The following TSPAN7 variants were observed in gnomAD, a reference collection of about 807,000 sequenced individuals.
The protein encoded by TSPAN7 is tetraspanin-7.
A neutral mutation model predicts 17.6 loss-of-function variants in TSPAN7; 1 was observed. That is an observed-to-expected ratio of 0.06 (90% CI 0.02 to 0.27). TSPAN7 has a LOEUF of 0.27. TSPAN7 is among the 10% of genes least tolerant of loss of function. The pLI is 1.00. For missense variants in TSPAN7, 112 were observed against 201.7 expected (o/e 0.56, Z 2.69); for synonymous variants, 78 against 79.0 (o/e 0.99, Z 0.07).
chrX:38,569,237 T>G (rs1376665987), intron 1 of TSPAN7, among the ~76,000 whole-genome samples: 2 of 111,335 alleles, frequency 1.8e-5, no homozygotes, highest in Admixed American at 1.9e-4. Context: ...GGTCAATATC[T>G]TTAGGTCTCT....
intron 1 of TSPAN7, among the ~76,000 whole-genome samples, chrX:38,578,569 G>A (rs780863911): frequency 1.8e-5 from 2 of 111,118 alleles, no homozygotes; most frequent in Non-Finnish European, 3.8e-5. Flanking sequence ...TTATGTAAAT[G>A]ACTTAGAACA....
chrX:38,638,859 T>C (rs1180116494), intron 1 of TSPAN7, among the ~76,000 whole-genome samples: 1 of 92,852 alleles, frequency 1.1e-5, no homozygotes, highest in Non-Finnish European at 2.2e-5. Flanking sequence ...TGTAAGCATT[T>C]TGGATATTCA....
At chrX:38,564,949 A>G (rs1176996861) in intron 1 of TSPAN7, among the ~76,000 whole-genome samples, 2 of 110,755 alleles carry the variant, frequency 1.8e-5, no homozygotes. Flanking sequence ...TTTGAAGTAC[A>G]AAAGTTTATT....
chrX:38,598,813 T>C (rs2069331599), intron 1 of TSPAN7, among the ~76,000 whole-genome samples: 1 of 111,272 alleles, frequency 9.0e-6, no homozygotes, highest in Admixed American at 9.6e-5. Flanking sequence ...TTGGAAAATA[T>C]GAAAAAAGGA....
chrX:38,660,452 A>C (rs969197592), intron 1 of TSPAN7, among the ~76,000 whole-genome samples: 1 of 111,849 alleles, frequency 8.9e-6, no homozygotes, highest in Non-Finnish European at 1.9e-5. Flanking sequence ...ACACACTCAC[A>C]TAAGAATCAG....
chrX:38,576,500 A>G (rs2069195014), intron 1 of TSPAN7, among the ~76,000 whole-genome samples: 1 of 112,412 alleles, frequency 8.9e-6, no homozygotes, highest in Admixed American at 9.4e-5. Flanking sequence ...TGGTTTAAAT[A>G]TACTAGTAAG....
Position 38,611,222 on chromosome X carries a change from G to C in TSPAN7, c.81+49595G>C, listed in dbSNP as rs1362779573. 8.9e-5 allele frequency among the ~76,000 whole-genome samples: 10 copies of C among 112,557 alleles called. No individual in the cohort carries two copies. The Admixed American group carries it at 9.4e-4, about 11-fold the overall frequency. ...AATCGAATAGCAAGATGCCTTTCAA[G>C]AAAAGTGACTTTTAGTCATGGTGGT... On this transcript the variant is annotated intron_variant, in intron 1 of 7. Coordinates refer to ENST00000378482, the MANE Select transcript of TSPAN7 (RefSeq NM_004615.4).
chrX:38,642,980 A>G (rs1012486395), intron 1 of TSPAN7, among the ~76,000 whole-genome samples: 2 of 111,443 alleles, frequency 1.8e-5, no homozygotes, highest in Non-Finnish European at 3.8e-5. Context: ...CAGCCCAGAA[A>G]GGGGAGAGAA....
In TSPAN7 at chrX:38,681,263, G is replaced by A. The variant is rs1189268014; in HGVS notation, c.657G>A (p.Val219=). ...METNMGIIAG[V]AFGIAFSQLI... is the part of the protein sequence containing the mutation. The stretch of plus-strand genomic sequence containing the variant: ...CTAACATGGGAATCATCGCTGGAGT[G>A]GCGTTTGGAATCGCATTCTCCCAGG... Residue 219 remains valine (V), a synonymous_variant, in exon 6 of 8, where the codon GTG becomes GTA. Transcript: ENST00000378482. 1.7e-6 allele frequency: 2 copies of A among 1,208,139 alleles called. No homozygotes were observed. The highest frequency in any genetic ancestry group is 2.2e-6 in the Non-Finnish European group (2 of 893,939).
At chrX:38,620,676 G>A (rs1287253559) in intron 1 of TSPAN7, among the ~76,000 whole-genome samples, 2 of 111,580 alleles carry the variant, frequency 1.8e-5, no homozygotes, top group Non-Finnish European at 3.8e-5. Context: ...CCACCTTCAA[G>A]GGATCAAACC....
chrX:38,609,587 TATATAC>T (rs1300182808), intron 1 of TSPAN7, among the ~76,000 whole-genome samples: 1 of 108,962 alleles, frequency 9.2e-6, no homozygotes, highest in Non-Finnish European at 1.9e-5. Context: ...GCATGCAGCA[TATATAC>T]ATATACATAT....
chrX:38,616,570 G>A (rs2069457284), intron 1 of TSPAN7, among the ~76,000 whole-genome samples: 1 of 111,891 alleles, frequency 8.9e-6, no homozygotes, highest in Admixed American at 9.5e-5. Flanking sequence ...ACTAAAGACA[G>A]AAACTTAAAA....
chrX:38,563,189 A>G, intron 1 of TSPAN7: 21 of 870,204 alleles, frequency 2.4e-5, no homozygotes, highest in Non-Finnish European at 3.1e-5. Context: ...ATGAGCTAGG[A>G]TAGATTAACT....
At chrX:38,646,255 A>G in intron 1 of TSPAN7, 1 of 1,153,345 alleles carries the variant, frequency 8.7e-7, no homozygotes, top group South Asian at 1.9e-5. Context: ...TTACATGTTC[A>G]TAAAAGAAAG....
chrX:38,613,641 T>A (rs141929776), intron 1 of TSPAN7, among the ~76,000 whole-genome samples: 1 of 111,956 alleles, frequency 8.9e-6, no homozygotes, highest in Non-Finnish European at 1.9e-5. Context: ...TGGGAGCTTC[T>A]TGGGGAAAGA....
intron 1 of TSPAN7, among the ~76,000 whole-genome samples, chrX:38,611,291 G>A: frequency 8.9e-6 from 1 of 112,320 alleles, no homozygotes; most frequent in Non-Finnish European, 1.9e-5. Context: ...GACCAAACAT[G>A]GGTCAGTAGT....
intron 1 of TSPAN7, among the ~76,000 whole-genome samples, chrX:38,620,170 TAC>T (rs1422304578): frequency 8.9e-6 from 1 of 111,816 alleles, no homozygotes; most frequent in Non-Finnish European, 1.9e-5. Flanking sequence ...CTTCTACAAG[TAC>T]ACAGTTCTGA....
At chrX:38,622,577 A>G (rs2069494627) in intron 1 of TSPAN7, among the ~76,000 whole-genome samples, 1 of 112,204 alleles carries the variant, frequency 8.9e-6, no homozygotes, top group Admixed American at 9.4e-5. Context: ...AGAAAAAAGA[A>G]AAGAAAAGAA....
intron 1 of TSPAN7, among the ~76,000 whole-genome samples, chrX:38,611,453 C>T (rs1026190372): frequency 8.0e-5 from 9 of 112,229 alleles, no homozygotes; most frequent in Non-Finnish European, 1.5e-4. Context: ...CTAGACACTT[C>T]GGTTTCAGAA....
Sources: gnomAD v4.1 joint callset for allele counts (sites outside exome capture counted in the v4.1 genomes callset) on GRCh38, gnomAD v4.1.1 for gene constraint, MANE v1.5 for transcripts, NCBI Gene and HGNC (gene_info 2026-07-23, HGNC 2026-07-21) for gene names.